RNF13: variants seen among roughly 807,000 people sequenced by gnomAD.
The protein encoded by RNF13 is ring finger protein 13, also known as E3 ubiquitin-protein ligase RNF13.
A neutral mutation model predicts 37.7 loss-of-function variants in RNF13; 19 were observed. The ratio of observed to expected loss-of-function variants is 0.50; its 90% CI spans 0.35 to 0.74. The LOEUF (loss-of-function observed/expected upper bound fraction) is 0.74. Ranked by LOEUF, RNF13 falls within the 30% of genes least tolerant of loss-of-function variation. The pLI is 0.01. For synonymous variants in RNF13, 144 were observed against 157.8 expected (o/e 0.91, Z 0.65); for missense variants, 375 against 453.0 (o/e 0.83, Z 1.56).
chr3:149,853,834 C>CTTTTTTT (rs1052140782), intron 3 of RNF13, among the ~76,000 whole-genome samples: 14 of 115,414 alleles, frequency 1.2e-4, no homozygotes, highest in Non-Finnish European at 2.4e-4. Context: ...TAAAATTTCT[C>CTTTTTTT]TTTTTTTTTT....
chr3:149,871,492 C>T (rs965730118), intron 3 of RNF13, among the ~76,000 whole-genome samples: 2 of 150,506 alleles, frequency 1.3e-5, no homozygotes, highest in African/African-American at 4.9e-5. Context: ...CATTATTTTC[C>T]TATTGTATAA....
chr3:149,893,948 T>TA (rs1714980646), intron 4 of RNF13: 4 of 152,194 alleles, frequency 2.6e-5, no homozygotes, highest in Admixed American at 6.5e-5. Context: ...ATTAGTTTTT[T>TA]AAAAAATCAC....
chr3:149,825,582 G>T (rs1312954507), intron 1 of RNF13, among the ~76,000 whole-genome samples: 1 of 152,132 alleles, frequency 6.6e-6, no homozygotes, highest in Non-Finnish European at 1.5e-5. Flanking sequence ...TTGTTTACCG[G>T]GCAACCTTGG....
At chr3:149,888,066 C>T (rs1230139404) in intron 4 of RNF13, among the ~76,000 whole-genome samples, 2 of 152,146 alleles carry the variant, frequency 1.3e-5, no homozygotes, top group African/African-American at 2.4e-5. Context: ...ACTTAAAATA[C>T]ACCTTGAGAG....
intron 3 of RNF13, among the ~76,000 whole-genome samples, chr3:149,861,846 C>A (rs968054430): frequency 6.6e-6 from 1 of 152,084 alleles, no homozygotes; most frequent in African/African-American, 2.4e-5. Context: ...CCTCAAGTAT[C>A]CTGACTTGAT....
intron 4 of RNF13, among the ~76,000 whole-genome samples, chr3:149,879,920 T>TA (rs1233454180): frequency 2.6e-5 from 4 of 152,206 alleles, no homozygotes; most frequent in African/African-American, 9.7e-5. Flanking sequence ...GATCCTAACC[T>TA]AAAAAACCCA....
chr3:149,923,930 T>C (rs968889671), intron 8 of RNF13, among the ~76,000 whole-genome samples: 1 of 152,178 alleles, frequency 6.6e-6, no homozygotes, highest in African/African-American at 2.4e-5. Context: ...AGGATCCTTC[T>C]GCTGACATTA....
chr3:149,882,008 T>A (rs1419679014), intron 4 of RNF13, among the ~76,000 whole-genome samples: 1 of 152,000 alleles, frequency 6.6e-6, no homozygotes, highest in Non-Finnish European at 1.5e-5. Flanking sequence ...GTTTAGTTCT[T>A]TTTTTTTCTC....
chr3:149,949,713 T>G (rs980992442), intron 8 of RNF13, among the ~76,000 whole-genome samples: 1 of 151,598 alleles, frequency 6.6e-6, no homozygotes, highest in Non-Finnish European at 1.5e-5. Context: ...CAGATTCTCT[T>G]CATTTTCCTT....
At chr3:149,916,926 A>G (rs1348535482) in intron 7 of RNF13, among the ~76,000 whole-genome samples, 1 of 152,214 alleles carries the variant, frequency 6.6e-6, no homozygotes, top group Non-Finnish European at 1.5e-5. Context: ...AAATTTTTCT[A>G]CAACAATAAC....
rs187084448 is a variant in RNF13 at position 149,945,337 on chromosome 3, C to T, written c.701-14719C>T. On this transcript the variant is annotated intron_variant, in intron 8 of 9. Coordinates refer to ENST00000392894, the MANE Select transcript of RNF13 (RefSeq NM_183381.3). ...CATTGCTAGCACAGCAGTCTGAGAT[C>T]GAACTGCAAGGCGGCAGCAAGGCTG... 9.3e-3 allele frequency among the ~76,000 whole-genome samples: 1,412 copies of T among 152,126 alleles called. 18 individuals are homozygous for T. The highest frequency in any genetic ancestry group is 0.032 in the African/African-American group (1,315 of 41,506).
intron 4 of RNF13, among the ~76,000 whole-genome samples, chr3:149,879,163 TA>T (rs1410900418): frequency 6.6e-6 from 1 of 152,196 alleles, no homozygotes; most frequent in Admixed American, 6.5e-5. Context: ...GAAGACACAG[TA>T]AAAGTATCTA....
chr3:149,947,571 C>G (rs970421103), intron 8 of RNF13, among the ~76,000 whole-genome samples: 33 of 151,804 alleles, frequency 2.2e-4, no homozygotes, highest in Admixed American at 2.0e-4. Flanking sequence ...CACCCAGGTA[C>G]TTTTTTGTAT....
chr3:149,829,218 G>T (rs1720798921), intron 1 of RNF13, among the ~76,000 whole-genome samples: 1 of 152,136 alleles, frequency 6.6e-6, no homozygotes, highest in Admixed American at 6.5e-5. Flanking sequence ...TCCTGCCTCA[G>T]CCTCCCAAGT....
intron 3 of RNF13, among the ~76,000 whole-genome samples, chr3:149,860,467 A>G (rs926293112): frequency 1.3e-5 from 2 of 151,806 alleles, no homozygotes; most frequent in Non-Finnish European, 2.9e-5. Flanking sequence ...GTAAATTCAC[A>G]TATTTATGGC....
At chr3:149,924,868 C>A (rs1309013334) in intron 8 of RNF13, among the ~76,000 whole-genome samples, 1 of 152,094 alleles carries the variant, frequency 6.6e-6, no homozygotes, top group Non-Finnish European at 1.5e-5. Context: ...CTGTAATGTT[C>A]TTGAGAAGGC....
At chr3:149,835,461 T>A (rs1330408188) in intron 1 of RNF13, among the ~76,000 whole-genome samples, 2 of 152,106 alleles carry the variant, frequency 1.3e-5, no homozygotes, top group African/African-American at 4.8e-5. Flanking sequence ...GTCCATTGTA[T>A]CATTCTTATA....
At chr3:149,817,269 C>G (rs1236806025) in intron 1 of RNF13, 1 of 152,108 alleles carries the variant, frequency 6.6e-6, no homozygotes, top group Non-Finnish European at 1.5e-5. Flanking sequence ...TGAAGATGCA[C>G]CCATTATTTT....
chr3:149,846,300 C>G (rs1722636066), intron 2 of RNF13, among the ~76,000 whole-genome samples, 160 bp downstream of exon 2: 1 of 151,978 alleles, frequency 6.6e-6, no homozygotes, highest in Admixed American at 6.6e-5. Flanking sequence ...GTACCTTATT[C>G]ATTTGTTTAT....
Sources: allele counts gnomAD v4.1 joint callset (sites outside exome capture counted in the v4.1 genomes callset), GRCh38; gene constraint gnomAD v4.1.1; transcripts MANE v1.5; gene names NCBI Gene and HGNC (gene_info 2026-07-23, HGNC 2026-07-21).